The following NCKAP5 variants were observed in gnomAD, a reference collection of about 807,000 sequenced individuals.
NCKAP5 encodes NCK associated protein 5.
NCKAP5 carries 92 observed loss-of-function variants against 167.0 expected under a neutral mutation model. That is an observed-to-expected ratio of 0.55 (90% confidence interval 0.47 to 0.66). NCKAP5 has a LOEUF of 0.66. Among genes scored for constraint, NCKAP5 ranks in the 30% least tolerant of loss-of-function variants. The probability of loss-of-function intolerance (pLI) is 0.00; values close to 1 mark genes in which losing one functional copy is unlikely to be tolerated. For synonymous variants in NCKAP5, 891 were observed against 877.4 expected (o/e 1.02, Z -0.27); for missense variants, 2,378 against 2,315.0 (o/e 1.03, Z -0.56).
chr2:133,518,499 C>T (rs778955582), intron 2 of NCKAP5, among the ~76,000 whole-genome samples: 34 of 145,860 alleles, frequency 2.3e-4, no homozygotes, highest in Non-Finnish European at 4.1e-4. Flanking sequence ...GGACTACAGG[C>T]GCCTGCCACC....
chr2:133,333,448 T>C (rs1683002999), intron 3 of NCKAP5, among the ~76,000 whole-genome samples: 1 of 152,090 alleles, frequency 6.6e-6, no homozygotes, highest in Admixed American at 6.6e-5. Flanking sequence ...TCTGCTTTCT[T>C]CCACGACGAG....
At chr2:133,145,311 AG>A in intron 5 of NCKAP5, among the ~76,000 whole-genome samples, 2 of 152,112 alleles carry the variant, frequency 1.3e-5, no homozygotes, top group African/African-American at 4.8e-5. Flanking sequence ...GGACACAGGA[AG>A]GGGAACATCA....
At chr2:132,763,395 C>T (rs925361660) in intron 16 of NCKAP5, among the ~76,000 whole-genome samples, 3 of 152,144 alleles carry the variant, frequency 2.0e-5, no homozygotes, top group Non-Finnish European at 4.4e-5. Flanking sequence ...GACCTTTGCT[C>T]ATGTGGTTTC....
At position 132,800,250 on chromosome 2, in the gene NCKAP5, A is replaced by G. The variant is rs150850271; in HGVS notation, c.808-3521T>C. Reference sequence around the variant, plus strand: ...GGGGCAAATTCTCTATCATATACCCATGTATAGTTCATATTTACTGTTAGT... The same window carrying G: ...GGGGCAAATTCTCTATCATATACCCGTGTATAGTTCATATTTACTGTTAGT... On this transcript the variant is annotated intron_variant, in intron 11 of 19. Coordinates refer to ENST00000409261, the MANE Select transcript of NCKAP5 (RefSeq NM_207363.3). Among the ~76,000 whole-genome samples the G allele has an allele frequency of 4.3e-4, 65 of 152,280 alleles. 1 individual carries two copies. Among genetic ancestry groups the G allele is most frequent in the African/African-American group, 1.3e-3 (54 of 41,574 alleles).
chr2:132,919,968 G>T (rs115917518), intron 8 of NCKAP5, among the ~76,000 whole-genome samples: 4,145 of 152,200 alleles, frequency 0.027, 164 homozygotes, highest in African/African-American at 0.093. Context: ...GACCTCTGTG[G>T]CCTGGATGCT....
rs1251450134 is a variant in NCKAP5 at position 132,758,556 on chromosome 2, AG to A, written c.5128+15259del. On this transcript the variant is annotated intron_variant, in intron 16 of 19. Coordinates refer to ENST00000409261, the MANE Select transcript of NCKAP5 (RefSeq NM_207363.3). The stretch of plus-strand genomic sequence containing the variant: ...ACAGAGGAAAAAAGATGAGAATTCA[AG>A]GGTTGCCCACAACCTCTGTTTTTAG... 3.3e-5 allele frequency among the ~76,000 whole-genome samples: 5 copies of A among 152,180 alleles called. No individual in the cohort carries two copies. The East Asian group carries it at 9.7e-4, about 29-fold the overall frequency.
chr2:132,817,800 A>G lies in NCKAP5; in HGVS notation c.808-21071T>C, dbSNP rs184381659. 2.1e-3 allele frequency among the ~76,000 whole-genome samples: 321 copies of G among 152,300 alleles called. 2 individuals carry two copies. The highest frequency in any genetic ancestry group is 7.5e-3 in the African/African-American group (310 of 41,570). On this transcript the variant is annotated intron_variant, in intron 11 of 19. Transcript: ENST00000409261. ...CTGACCATACAATGGCCAAGAAAATACCAGTGTGGTTTGTGTCCACAGAAC... is the reference window on the plus strand; with the variant it reads ...CTGACCATACAATGGCCAAGAAAATGCCAGTGTGGTTTGTGTCCACAGAAC...
At chr2:133,321,173 T>A (rs954361412) in intron 3 of NCKAP5, among the ~76,000 whole-genome samples, 28 of 152,118 alleles carry the variant, frequency 1.8e-4, no homozygotes, top group African/African-American at 5.8e-4. Flanking sequence ...GACAAAGGGT[T>A]CCTTCTGTCA....
At chr2:132,752,245 G>A (rs1400577979) in intron 16 of NCKAP5, among the ~76,000 whole-genome samples, 1 of 152,208 alleles carries the variant, frequency 6.6e-6, no homozygotes, top group Non-Finnish European at 1.5e-5. Flanking sequence ...CCGTGCACAG[G>A]CCTCTGGCAT....
At chr2:133,318,460 T>A (rs961563436) in intron 3 of NCKAP5, among the ~76,000 whole-genome samples, 1 of 152,312 alleles carries the variant, frequency 6.6e-6, no homozygotes, top group East Asian at 1.9e-4. Flanking sequence ...TAAAAAGTGC[T>A]TTTATAGGTG....
At chr2:132,944,491 T>C (rs1697545016) in intron 8 of NCKAP5, among the ~76,000 whole-genome samples, 1 of 152,166 alleles carries the variant, frequency 6.6e-6, no homozygotes, top group Non-Finnish European at 1.5e-5. Context: ...GATTTAAATA[T>C]AGAGCAATGA....
intron 2 of NCKAP5, among the ~76,000 whole-genome samples, chr2:133,548,280 T>G (rs1422266238): frequency 6.6e-6 from 1 of 151,950 alleles, no homozygotes; most frequent in African/African-American, 2.4e-5. Context: ...ATGGGGAGAA[T>G]GGAACCAAGT....
intron 19 of NCKAP5, among the ~76,000 whole-genome samples, chr2:132,685,817 T>G (rs1261328998): frequency 6.6e-6 from 1 of 152,166 alleles, no homozygotes; most frequent in Non-Finnish European, 1.5e-5. Flanking sequence ...CCCTGGAGAA[T>G]GGGGCTGATT....
At chr2:133,386,353 C>T (rs1238409932) in intron 3 of NCKAP5, among the ~76,000 whole-genome samples, 2 of 152,166 alleles carry the variant, frequency 1.3e-5, no homozygotes, top group African/African-American at 2.4e-5. Context: ...TGTAGTTGAG[C>T]AGTTTTGATT....
chr2:132,859,381 T>C (rs1689713902), intron 11 of NCKAP5, among the ~76,000 whole-genome samples: 1 of 152,122 alleles, frequency 6.6e-6, no homozygotes, highest in Non-Finnish European at 1.5e-5. Context: ...CAACACAGTC[T>C]GGATCATTTG....
chr2:133,005,875 G>A (rs1226066103), intron 6 of NCKAP5, among the ~76,000 whole-genome samples: 2 of 152,130 alleles, frequency 1.3e-5, no homozygotes, highest in East Asian at 1.9e-4. Flanking sequence ...TAACAACCTG[G>A]AGCCTCTTTT....
intron 16 of NCKAP5, among the ~76,000 whole-genome samples, chr2:132,760,201 A>G (rs1389274779): frequency 6.6e-6 from 1 of 152,082 alleles, no homozygotes; most frequent in African/African-American, 2.4e-5. Context: ...TCTACTTAAC[A>G]GTTCTTGCAT....
At chr2:133,131,174 T>C (rs2082589551) in intron 5 of NCKAP5, among the ~76,000 whole-genome samples, 1 of 152,200 alleles carries the variant, frequency 6.6e-6, no homozygotes, top group African/African-American at 2.4e-5. Context: ...CTGAGGATCA[T>C]GAAAGAAACA....
intron 5 of NCKAP5, among the ~76,000 whole-genome samples, chr2:133,196,532 G>C (rs138184384): frequency 2.6e-5 from 4 of 152,296 alleles, no homozygotes; most frequent in Admixed American, 6.5e-5. Flanking sequence ...ACCACAGTCT[G>C]TACCACAGAA....
Sources: allele counts gnomAD v4.1 joint callset (sites outside exome capture counted in the v4.1 genomes callset), GRCh38; gene constraint gnomAD v4.1.1; transcripts MANE v1.5; gene names NCBI Gene and HGNC (gene_info 2026-07-23, HGNC 2026-07-21).